SGCD: variants seen among roughly 807,000 people sequenced by gnomAD.
The protein encoded by SGCD is sarcoglycan delta, also known as delta-sarcoglycan.
Under a neutral mutation model 36.6 loss-of-function variants are expected in SGCD, and 18 were observed. The ratio of observed to expected loss-of-function variants is 0.49; its 90% CI spans 0.34 to 0.73. The LOEUF is 0.73. Ranked by LOEUF, SGCD falls within the 30% of genes least tolerant of loss-of-function variation. The pLI, the probability that SGCD is intolerant of heterozygous loss-of-function variation, is 0.01. For synonymous variants in SGCD, 133 were observed against 130.6 expected, an observed-to-expected ratio of 1.02 and a Z score of -0.12; for missense variants, 387 against 346.7, an observed-to-expected ratio of 1.12 and a Z score of -0.92.
intron 2 of SGCD, among the ~76,000 whole-genome samples, chr5:156,122,102 T>C (rs1302066343): frequency 6.6e-6 from 1 of 152,190 alleles, no homozygotes; most frequent in Non-Finnish European, 1.5e-5. Flanking sequence ...TATTCCATAG[T>C]TGTCAAAAAT....
chr5:156,091,482 C>G (rs1331335295), intron 1 of SGCD, among the ~76,000 whole-genome samples: 1 of 152,178 alleles, frequency 6.6e-6, no homozygotes, highest in Non-Finnish European at 1.5e-5. Context: ...ATTAACCTGT[C>G]AGTAGTCACC....
chr5:156,750,812 A>G (rs182225647), intron 7 of SGCD, among the ~76,000 whole-genome samples: 2 of 152,232 alleles, frequency 1.3e-5, no homozygotes, highest in African/African-American at 4.8e-5. Context: ...TCTATATTTC[A>G]GGAAAATAGG....
the SGCD span, among the ~76,000 whole-genome samples, chr5:155,823,668 T>A: frequency 6.6e-6 from 1 of 152,180 alleles, no homozygotes; most frequent in Non-Finnish European, 1.5e-5. Flanking sequence ...CTGTAAGGTG[T>A]CCCCAAGAGA....
chr5:155,777,435 C>A, the SGCD span, among the ~76,000 whole-genome samples: 1 of 151,256 alleles, frequency 6.6e-6, no homozygotes, highest in Non-Finnish European at 1.5e-5. Context: ...TTGTTCACTG[C>A]AACTTCTACC....
intron 6 of SGCD, among the ~76,000 whole-genome samples, chr5:156,595,328 G>C (rs1022617025): frequency 6.6e-6 from 1 of 152,038 alleles, no homozygotes; most frequent in African/African-American, 2.4e-5. Flanking sequence ...TCTGCAACCT[G>C]GAATAGGAGC....
At chr5:156,396,856 G>A (rs1047439052) in intron 3 of SGCD, among the ~76,000 whole-genome samples, 2 of 152,168 alleles carry the variant, frequency 1.3e-5, no homozygotes, top group Non-Finnish European at 2.9e-5. Flanking sequence ...TAATTGAGGT[G>A]ATGTAATTCA....
intron 1 of SGCD, among the ~76,000 whole-genome samples, chr5:156,112,411 C>T (rs2127599806): frequency 6.6e-6 from 1 of 152,124 alleles, no homozygotes; most frequent in East Asian, 1.9e-4. Context: ...ATTCATAGGA[C>T]TCTGTGGATT....
intron 1 of SGCD, among the ~76,000 whole-genome samples, chr5:156,035,999 A>C (rs918094228): frequency 1.3e-5 from 2 of 152,228 alleles, no homozygotes; most frequent in African/African-American, 4.8e-5. Flanking sequence ...TGCTGGACAC[A>C]AGAATGTGCT....
At chr5:156,593,124 A>G (rs187908628) in intron 5 of SGCD, among the ~76,000 whole-genome samples, 25 of 152,334 alleles carry the variant, frequency 1.6e-4, no homozygotes, top group African/African-American at 5.1e-4. Flanking sequence ...TGATAGTCCA[A>G]TGTTATAGAT....
At chr5:156,082,382 G>C (rs1042228812) in intron 1 of SGCD, among the ~76,000 whole-genome samples, 2 of 152,120 alleles carry the variant, frequency 1.3e-5, no homozygotes, top group Non-Finnish European at 1.5e-5. Context: ...CTGAGCCCCA[G>C]TGCCTCTCAG....
chr5:156,301,430 G>A (rs976523926), intron 3 of SGCD, among the ~76,000 whole-genome samples: 2 of 151,936 alleles, frequency 1.3e-5, no homozygotes, highest in African/African-American at 4.8e-5. Flanking sequence ...TATAACCTTT[G>A]TTGTTTCTCT....
Position 156,346,465 on chromosome 5 carries a change from A to T in SGCD, c.192+1788A>T, listed in dbSNP as rs1291574051. 3.9e-5 allele frequency among the ~76,000 whole-genome samples: 6 copies of T among 152,014 alleles called. No homozygotes were observed. In the East Asian group the frequency reaches 9.7e-4, roughly 24 times the overall value. On this transcript the variant is annotated intron_variant, in intron 3 of 8. Coordinates refer to ENST00000337851, the MANE Select transcript of SGCD (RefSeq NM_000337.6). The stretch of plus-strand genomic sequence containing the variant: ...AGACACACACCATCATGCTTGACTA[A>T]TTTTTAAATTGTTTGTAGAGATGGG...
chr5:156,294,337 T>C (rs1251885396), intron 3 of SGCD, among the ~76,000 whole-genome samples: 1 of 152,142 alleles, frequency 6.6e-6, no homozygotes, highest in Non-Finnish European at 1.5e-5. Context: ...TGGCTCATTC[T>C]TGTAATCCCA....
At chr5:156,083,564 G>T (rs146492424) in intron 1 of SGCD, among the ~76,000 whole-genome samples, 1 of 150,136 alleles carries the variant, frequency 6.7e-6, no homozygotes, top group Non-Finnish European at 1.5e-5. Flanking sequence ...CAAAGTGCTG[G>T]AATTACAGGT....
chr5:155,894,112 A>C (rs1466124050), intron 1 of SGCD, among the ~76,000 whole-genome samples: 1 of 152,220 alleles, frequency 6.6e-6, no homozygotes, highest in Admixed American at 6.5e-5. Flanking sequence ...GACCTAGGAC[A>C]TACTGTACAC....
intron 1 of SGCD, among the ~76,000 whole-genome samples, chr5:156,103,025 A>G (rs1167895423): frequency 6.6e-6 from 1 of 152,182 alleles, no homozygotes; most frequent in African/African-American, 2.4e-5. Flanking sequence ...CCCCAAAGCC[A>G]TATCTTCCGC....
chr5:156,075,052 A>G (rs1760730020), intron 1 of SGCD, among the ~76,000 whole-genome samples: 1 of 152,220 alleles, frequency 6.6e-6, no homozygotes, highest in South Asian at 2.1e-4. Flanking sequence ...ATCTTGAGAA[A>G]TTATATTTTT....
chr5:156,003,615 C>T (rs1758704025), intron 1 of SGCD, among the ~76,000 whole-genome samples: 1 of 152,146 alleles, frequency 6.6e-6, no homozygotes, highest in Admixed American at 6.5e-5. Context: ...AGATAAATGA[C>T]TTAATGATTT....
intron 1 of SGCD, among the ~76,000 whole-genome samples, chr5:155,915,850 G>T (rs1756723361): frequency 1.3e-5 from 2 of 152,258 alleles, no homozygotes; most frequent in African/African-American, 4.8e-5. Context: ...CCAAATGTAG[G>T]CTTGGGAAAG....
Sources: gnomAD v4.1 joint callset for allele counts (sites outside exome capture counted in the v4.1 genomes callset) on GRCh38, gnomAD v4.1.1 for gene constraint, MANE v1.5 for transcripts, NCBI Gene and HGNC (gene_info 2026-07-23, HGNC 2026-07-21) for gene names.